Variants in GAREM1 observed in about 807,000 individuals in gnomAD.
GAREM1 encodes the protein GRB2 associated regulator of MAPK1 subtype 1.
A neutral mutation model predicts 71.3 loss-of-function variants in GAREM1; 26 were observed. The observed-to-expected ratio is 0.36, with a 90% confidence interval of 0.27 to 0.51. The LOEUF (loss-of-function observed/expected upper bound fraction) is 0.51, where lower values mean the gene tolerates loss of function less well. GAREM1 is among the 20% of genes least tolerant of loss of function. The probability of loss-of-function intolerance (pLI) is 0.95; values close to 1 mark genes in which losing one functional copy is unlikely to be tolerated. For missense variants in GAREM1, 1,026 were observed against 1,103.1 expected, an observed-to-expected ratio of 0.93 and a Z score of 0.99; for synonymous variants, 440 against 433.2, an observed-to-expected ratio of 1.02 and a Z score of -0.20.
At position 32,419,935 on chromosome 18, in the gene GAREM1, C is replaced by T. The variant is rs183470521; in HGVS notation, c.122-26900G>A. Among the ~76,000 whole-genome samples, 81 of 152,222 alleles carry T rather than the reference C, an allele frequency of 5.3e-4. 1 individual carries two copies. The highest frequency in any genetic ancestry group is 1.5e-3 in the Admixed American group (23 of 15,294). ...ATTTATACTTTGAGATATTATGATA[C>T]GAAAGCAGTTGTCACCTCGCCTAAG... is the stretch of plus-strand genomic sequence containing the variant. On this transcript the variant is annotated intron_variant, in intron 1 of 5. Transcript: ENST00000269209.
intron 2 of GAREM1, among the ~76,000 whole-genome samples, chr18:32,387,590 G>A (rs185621510): frequency 1.3e-5 from 2 of 152,122 alleles, no homozygotes; most frequent in South Asian, 2.1e-4. Flanking sequence ...AGCAAAATAC[G>A]TGATGTTGAC....
At chr18:32,361,865 G>A (rs2047868889) in intron 2 of GAREM1, among the ~76,000 whole-genome samples, 1 of 151,986 alleles carries the variant, frequency 6.6e-6, no homozygotes, top group Non-Finnish European at 1.5e-5. Flanking sequence ...CCTTTTTTTG[G>A]AGACATATGT....
chr18:32,340,682 A>C (rs1234281142), intron 2 of GAREM1, among the ~76,000 whole-genome samples: 2 of 152,352 alleles, frequency 1.3e-5, no homozygotes, highest in East Asian at 3.9e-4. Context: ...GAAAAGAAGT[A>C]ATAGCAGCAT....
intron 1 of GAREM1, among the ~76,000 whole-genome samples, chr18:32,457,052 TA>T (rs1256235063): frequency 6.6e-6 from 1 of 151,784 alleles, no homozygotes; most frequent in East Asian, 1.9e-4. Context: ...ACTGGACTGT[TA>T]GAGTGGATTA....
At chr18:32,330,961 G>A (rs180778996) in intron 2 of GAREM1, among the ~76,000 whole-genome samples, 79 of 152,172 alleles carry the variant, frequency 5.2e-4, no homozygotes, top group Non-Finnish European at 1.0e-3. Context: ...TTCCATATAG[G>A]CTGCTACACA....
At chr18:32,415,264 C>T (rs1477357062) in intron 1 of GAREM1, among the ~76,000 whole-genome samples, 1 of 151,960 alleles carries the variant, frequency 6.6e-6, no homozygotes, top group Non-Finnish European at 1.5e-5. Context: ...CTGTTGAATT[C>T]TAACAAGCAT....
At chr18:32,466,742 G>C (rs904440992) in intron 1 of GAREM1, among the ~76,000 whole-genome samples, 20 of 152,100 alleles carry the variant, frequency 1.3e-4, no homozygotes, top group African/African-American at 4.8e-4. Flanking sequence ...GCTGAACCCA[G>C]TTCTAAAGTC....
intron 2 of GAREM1, among the ~76,000 whole-genome samples, chr18:32,354,244 TTAA>T (rs1321396460): frequency 6.6e-6 from 1 of 152,190 alleles, no homozygotes; most frequent in Non-Finnish European, 1.5e-5. Flanking sequence ...CTTCTAAACA[TTAA>T]TAATAACTTA....
In GAREM1 at chr18:32,263,624, T is replaced by C. The variant is rs937666168; in HGVS notation, c.*4247A>G. 3.9e-5 allele frequency: 6 copies of C among 152,184 alleles called. No homozygotes were observed. Among genetic ancestry groups the C allele is most frequent in the Non-Finnish European group, 7.3e-5 (5 of 68,034 alleles). The allele number at this position is 152,184 out of a possible 1,614,324, so 9.4% of individuals were successfully genotyped here. A position where few individuals can be genotyped will look rare whatever the true frequency, so the allele number is the denominator to read the frequency against. ...TACTGTGTTTATCTTGAGGTACACA[T>C]TGGGCCCATTAGATAACGTTTTGGA... is the stretch of plus-strand genomic sequence containing the variant. On this transcript the variant is annotated 3_prime_UTR_variant, in exon 6 of 6. Coordinates refer to ENST00000269209, the MANE Select transcript of GAREM1 (RefSeq NM_001242409.2).
At position 32,268,074 on chromosome 18, in the gene GAREM1, C is replaced by G; in HGVS notation, c.2428G>C (p.Gly810Arg). 6.2e-7 allele frequency: 1 copy of G among 1,614,110 alleles called. No homozygotes were observed. The highest frequency in any genetic ancestry group is 8.5e-7 in the Non-Finnish European group (1 of 1,180,000). Reference sequence around the variant, plus strand: ...TTGGACACTTCCTCTATAGAGAGTCCTGATAGGTCAGCAGGTGGCTGCCAT... The same window carrying G: ...TTGGACACTTCCTCTATAGAGAGTCGTGATAGGTCAGCAGGTGGCTGCCAT... Reference protein sequence around the residue: ...SPWQPPADLSGLSIEEVSKSL... With the variant: ...SPWQPPADLSRLSIEEVSKSL... The change falls in exon 6 of 6, where the codon GGA (glycine) becomes CGA (arginine). Residue 810 changes from glycine to arginine, a missense_variant. Coordinates refer to ENST00000269209, the MANE Select transcript of GAREM1 (RefSeq NM_001242409.2).
chr18:32,449,028 T>C (rs1219772383), intron 1 of GAREM1, among the ~76,000 whole-genome samples: 5 of 152,182 alleles, frequency 3.3e-5, no homozygotes, highest in African/African-American at 7.2e-5. Context: ...AAAACACTAC[T>C]TGTTGGTCTG....
At chr18:32,292,431 C>A (rs1159927508) in intron 3 of GAREM1, among the ~76,000 whole-genome samples, 1 of 152,010 alleles carries the variant, frequency 6.6e-6, no homozygotes, top group Non-Finnish European at 1.5e-5. Flanking sequence ...ACAAAATAAC[C>A]ATTCTGGGGA....
intron 1 of GAREM1, among the ~76,000 whole-genome samples, chr18:32,462,501 T>C (rs1285212525): frequency 1.3e-5 from 2 of 152,244 alleles, no homozygotes. Context: ...CCCTATACTC[T>C]GGATATTAAC....
Position 32,267,120 on chromosome 18 carries a change from AT to A in GAREM1, c.*750del, listed in dbSNP as rs1377451500. ...GATTGTTTAAAAGTGAACAGATGTT[AT>A]CTAAAATATCAGAATCAAAATTATG... On this transcript the variant is annotated 3_prime_UTR_variant, in exon 6 of 6. Transcript: ENST00000269209. 1 of 152,232 alleles carries A rather than the reference AT, an allele frequency of 6.6e-6. No individual in the cohort carries two copies. Among genetic ancestry groups the A allele is most frequent in the African/African-American group, 2.4e-5 (1 of 41,462 alleles). 9.4% of individuals were successfully genotyped at this position (152,232 alleles called of 1,614,324 possible). A position where few individuals can be genotyped will look rare whatever the true frequency, so the allele number is the denominator to read the frequency against.
At chr18:32,342,049 T>C (rs540524841) in intron 2 of GAREM1, among the ~76,000 whole-genome samples, 1 of 152,266 alleles carries the variant, frequency 6.6e-6, no homozygotes, top group African/African-American at 2.4e-5. Flanking sequence ...AAGTTGGGTT[T>C]GAATGACCTT....
intron 2 of GAREM1, among the ~76,000 whole-genome samples, chr18:32,377,245 T>A (rs2048038963): frequency 6.6e-6 from 1 of 152,204 alleles, no homozygotes; most frequent in Admixed American, 6.5e-5. Flanking sequence ...CTTATCTTAT[T>A]CCTGATTCTA....
At chr18:32,371,387 C>T (rs903941234) in intron 2 of GAREM1, among the ~76,000 whole-genome samples, 1 of 152,024 alleles carries the variant, frequency 6.6e-6, no homozygotes, top group Non-Finnish European at 1.5e-5. Context: ...TTTAGGGGAA[C>T]AAAACTGGAG....
chr18:32,347,507 T>C (rs189208919), intron 2 of GAREM1, among the ~76,000 whole-genome samples: 25 of 152,062 alleles, frequency 1.6e-4, no homozygotes, highest in Non-Finnish European at 2.6e-4. Flanking sequence ...GGAGTTCATA[T>C]TGGAAAATAA....
chr18:32,320,464 A>G (rs1310492820), intron 2 of GAREM1, among the ~76,000 whole-genome samples: 2 of 152,132 alleles, frequency 1.3e-5, no homozygotes, highest in Non-Finnish European at 2.9e-5. Flanking sequence ...ATGGCGGAGG[A>G]AGTGGAAGTG....
Sources: allele counts gnomAD v4.1 joint callset (sites outside exome capture counted in the v4.1 genomes callset), GRCh38; gene constraint gnomAD v4.1.1; transcripts MANE v1.5; gene names NCBI Gene and HGNC (gene_info 2026-07-23, HGNC 2026-07-21).